GPHN: variants seen among roughly 807,000 people sequenced by gnomAD.
GPHN encodes gephyrin.
GPHN carries 17 observed loss-of-function variants against 95.5 expected under a neutral mutation model. That is an observed-to-expected ratio of 0.18 (90% CI 0.12 to 0.27). The LOEUF is 0.27. Ranked by LOEUF, GPHN falls within the 10% of genes least tolerant of loss-of-function variation. GPHN has a pLI of 1.00. For missense variants in GPHN, 660 were observed against 978.1 expected (o/e 0.67, Z 4.34); for synonymous variants, 320 against 322.5 (o/e 0.99, Z 0.08).
the GPHN span, among the ~76,000 whole-genome samples, chr14:67,684,286 T>G: frequency 6.6e-6 from 1 of 152,132 alleles, no homozygotes; most frequent in Non-Finnish European, 1.5e-5. Context: ...AACAATAACC[T>G]GAAGTAGAGG....
intron 21 of GPHN, among the ~76,000 whole-genome samples, chr14:67,174,352 T>C (rs1394338524): frequency 6.6e-6 from 1 of 152,068 alleles, no homozygotes; most frequent in Non-Finnish European, 1.5e-5. Flanking sequence ...GTCCTTGTGC[T>C]AGTTTGCTGA....
At chr14:67,632,804 CTT>C in the GPHN span, among the ~76,000 whole-genome samples, 44 of 126,368 alleles carry the variant, frequency 3.5e-4, no homozygotes, top group Non-Finnish European at 6.3e-4. Context: ...AATTAAGCCT[CTT>C]AATTTTTTTT....
intron 5 of GPHN, among the ~76,000 whole-genome samples, chr14:66,892,297 C>G (rs2064556764): frequency 6.6e-6 from 1 of 152,088 alleles, no homozygotes; most frequent in African/African-American, 2.4e-5. Context: ...GTGACACACA[C>G]CTATAATCCT....
chr14:67,088,462 T>C (rs1336303993), intron 11 of GPHN, among the ~76,000 whole-genome samples: 1 of 152,218 alleles, frequency 6.6e-6, no homozygotes, highest in African/African-American at 2.4e-5. Context: ...AATATTACTT[T>C]AGCCTCCATA....
intron 16 of GPHN, among the ~76,000 whole-genome samples, chr14:67,119,842 G>A (rs1400631987): frequency 6.6e-6 from 1 of 151,786 alleles, no homozygotes; most frequent in Non-Finnish European, 1.5e-5. Context: ...AAAGTGGGAA[G>A]ATAGTGGCCA....
intron 9 of GPHN, among the ~76,000 whole-genome samples, chr14:66,982,740 T>C (rs2070760036): frequency 6.6e-6 from 1 of 152,184 alleles, no homozygotes; most frequent in Non-Finnish European, 1.5e-5. Context: ...ATTATTTACA[T>C]TCAATTCTCA....
chr14:67,485,378 G>A, the GPHN span, among the ~76,000 whole-genome samples: 1 of 152,160 alleles, frequency 6.6e-6, no homozygotes. Flanking sequence ...GTAAGCCCAG[G>A]CTGAGTGGAA....
chr14:66,622,834 C>T (rs1338949630), intron 1 of GPHN, among the ~76,000 whole-genome samples: 1 of 152,160 alleles, frequency 6.6e-6, no homozygotes, highest in Non-Finnish European at 1.5e-5. Context: ...TTTGTCAAAG[C>T]CATTCAACAA....
the GPHN span, chr14:67,203,021 C>A: frequency 1.3e-6 from 2 of 1,490,710 alleles, no homozygotes; most frequent in South Asian, 1.3e-5. Flanking sequence ...CTCTCTTACA[C>A]TTCTCAGGCA....
At chr14:67,647,453 G>A in the GPHN span, 4 of 159,202 alleles carry the variant, frequency 2.5e-5, no homozygotes, top group South Asian at 1.9e-4. Flanking sequence ...TTTACTTCTG[G>A]GTGATTAATG....
chr14:66,996,150 GTTTTC>G (rs1489147962), intron 9 of GPHN: 4 of 1,508,132 alleles, frequency 2.7e-6, no homozygotes, highest in Non-Finnish European at 3.6e-6. Context: ...CTTTAACAGT[GTTTTC>G]TTTTCCCCAC....
At chr14:66,585,581 A>T (rs551011243) in intron 1 of GPHN, among the ~76,000 whole-genome samples, 1 of 151,952 alleles carries the variant, frequency 6.6e-6, no homozygotes, top group Admixed American at 6.5e-5. Flanking sequence ...AGATTCTGGT[A>T]TGTTTTGTCT....
chr14:66,840,736 C>CAAAAAAAA (rs553788734), intron 4 of GPHN, among the ~76,000 whole-genome samples: 3 of 81,160 alleles, frequency 3.7e-5, no homozygotes, highest in Non-Finnish European at 9.5e-5. Flanking sequence ...GCAGGCCATA[C>CAAAAAAAA]AAAAAAAAAA....
chr14:67,711,389 TC>T, the GPHN span, among the ~76,000 whole-genome samples: 2 of 152,354 alleles, frequency 1.3e-5, no homozygotes, highest in East Asian at 3.9e-4. Context: ...TTAAGACATT[TC>T]TAATATTACT....
At chr14:67,658,797 T>C in the GPHN span, among the ~76,000 whole-genome samples, 1 of 152,208 alleles carries the variant, frequency 6.6e-6, no homozygotes, top group Non-Finnish European at 1.5e-5. Context: ...GCGCATCCAT[T>C]TGAAAATTTT....
chr14:66,556,090 A>G (rs1202590542), intron 1 of GPHN, among the ~76,000 whole-genome samples: 6 of 152,152 alleles, frequency 3.9e-5, no homozygotes, highest in Admixed American at 3.9e-4. Flanking sequence ...ACACAGTGGT[A>G]TTTGTGTATC....
At chr14:67,706,707 AT>A in the GPHN span, among the ~76,000 whole-genome samples, 1 of 152,032 alleles carries the variant, frequency 6.6e-6, no homozygotes, top group Non-Finnish European at 1.5e-5. Flanking sequence ...CCCAGCTTGA[AT>A]TTTCCCTTTG....
intron 2 of GPHN, among the ~76,000 whole-genome samples, chr14:66,756,573 T>A (rs1394986748): frequency 1.3e-5 from 2 of 151,984 alleles, no homozygotes; most frequent in Non-Finnish European, 2.9e-5. Context: ...GAGTTTAGAT[T>A]AAAAAAAATT....
In GPHN at chr14:66,523,092, G is replaced by T. The variant is rs541483610; in HGVS notation, c.64+14501G>T. ...ATTCCATCATTGCTGAAATCTATTA[G>T]TGACGGCAAAATTATTGATCTAAAG... On this transcript the variant is annotated intron_variant, in intron 1 of 22. Transcript: ENST00000478722. Among the ~76,000 whole-genome samples the T allele has an allele frequency of 4.6e-5, 7 of 152,118 alleles. No individual in the cohort carries two copies. The East Asian group carries it at 1.4e-3, about 29-fold the overall frequency.
Sources: allele counts gnomAD v4.1 joint callset (sites outside exome capture counted in the v4.1 genomes callset), GRCh38; gene constraint gnomAD v4.1.1; transcripts MANE v1.5; gene names NCBI Gene and HGNC (gene_info 2026-07-23, HGNC 2026-07-21).